The following ROBO1 variants were observed in gnomAD, a reference collection of about 807,000 sequenced individuals.
ROBO1 encodes roundabout homolog 1.
In ROBO1, 149 loss-of-function variants were observed where a neutral mutation model predicts 195.9. That is an observed-to-expected ratio of 0.76 (90% CI 0.67 to 0.87). The LOEUF (loss-of-function observed/expected upper bound fraction) is 0.87, where lower values mean the gene tolerates loss of function less well. Among genes scored for constraint, ROBO1 ranks in the 40% least tolerant of loss-of-function variants. ROBO1 has a pLI of 0.00. For synonymous variants in ROBO1, 816 were observed against 733.2 expected (o/e 1.11, Z -1.82); for missense variants, 1,933 against 2,068.3 (o/e 0.93, Z 1.27).
intron 2 of ROBO1, among the ~76,000 whole-genome samples, chr3:79,388,365 ATC>A (rs139191515): frequency 1.3e-5 from 2 of 151,252 alleles, no homozygotes; most frequent in Admixed American, 6.6e-5. Context: ...CTGTTATAGT[ATC>A]TCTCTCTCTC....
chr3:78,989,792 C>G (rs1305006105), intron 3 of ROBO1, among the ~76,000 whole-genome samples: 1 of 151,874 alleles, frequency 6.6e-6, no homozygotes, highest in Admixed American at 6.6e-5. Context: ...CACTAATTTA[C>G]TTCAAAAAAA....
intron 1 of ROBO1, among the ~76,000 whole-genome samples, chr3:79,690,073 C>T (rs1234999684): frequency 6.6e-6 from 1 of 151,936 alleles, no homozygotes; most frequent in Non-Finnish European, 1.5e-5. Context: ...AGTTGTGATA[C>T]TGTCTTTCTT....
intron 4 of ROBO1, among the ~76,000 whole-genome samples, chr3:78,870,838 T>C (rs1172130990): frequency 6.6e-6 from 1 of 152,202 alleles, no homozygotes; most frequent in Non-Finnish European, 1.5e-5. Context: ...CCTGAATCTT[T>C]GGACCTGGCC....
At position 79,406,698 on chromosome 3, in the gene ROBO1, G is replaced by T. The variant is rs567694389; in HGVS notation, c.88+183126C>A. On this transcript the variant is annotated intron_variant, in intron 2 of 30. Coordinates refer to ENST00000464233, the MANE Select transcript of ROBO1 (RefSeq NM_002941.4). ...TATTCCTGGAAAGATGTTTAGGTTT[G>T]CAAGTTCAAGGGAAAGAATACACTT... 8.5e-5 allele frequency among the ~76,000 whole-genome samples: 13 copies of T among 152,106 alleles called. No homozygotes were observed. In the East Asian group the frequency reaches 2.5e-3, roughly 29 times the overall value.
intron 3 of ROBO1, among the ~76,000 whole-genome samples, chr3:78,995,395 G>A (rs2077338965): frequency 6.6e-6 from 1 of 152,042 alleles, no homozygotes; most frequent in Non-Finnish European, 1.5e-5. Context: ...GCAACACAGA[G>A]CCCTGCACTG....
intron 4 of ROBO1, among the ~76,000 whole-genome samples, chr3:78,771,657 G>A (rs1366065446): frequency 1.3e-5 from 2 of 152,024 alleles, no homozygotes; most frequent in East Asian, 3.9e-4. Flanking sequence ...TGTGTGTGTG[G>A]CTATTGTAAA....
chr3:79,101,520 A>G (rs1440798167), intron 3 of ROBO1, among the ~76,000 whole-genome samples: 1 of 151,804 alleles, frequency 6.6e-6, no homozygotes, highest in Admixed American at 6.6e-5. Context: ...AGAGTCTCTG[A>G]GTTCCTGTTT....
intron 4 of ROBO1, among the ~76,000 whole-genome samples, chr3:78,869,649 C>T (rs1490711234): frequency 1.3e-5 from 2 of 151,868 alleles, no homozygotes; most frequent in East Asian, 1.9e-4. Flanking sequence ...TTGGTAGAGG[C>T]CGTCTCACTA....
intron 2 of ROBO1, among the ~76,000 whole-genome samples, chr3:79,452,840 A>G (rs1468871120): frequency 6.6e-6 from 1 of 151,638 alleles, no homozygotes. Context: ...GTCTTGGGGG[A>G]GAGATTTTAG....
chr3:79,299,637 C>T (rs1559800691), intron 2 of ROBO1, among the ~76,000 whole-genome samples: 1 of 151,744 alleles, frequency 6.6e-6, no homozygotes, highest in African/African-American at 2.4e-5. Flanking sequence ...AAATATTCTG[C>T]CTGAGATAAA....
At chr3:78,906,166 C>G (rs1322983953) in intron 4 of ROBO1, among the ~76,000 whole-genome samples, 1 of 152,044 alleles carries the variant, frequency 6.6e-6, no homozygotes, top group South Asian at 2.1e-4. Flanking sequence ...TTATTATGAA[C>G]AGACCAGCTG....
chr3:78,731,575 T>C (rs576427431), intron 5 of ROBO1, among the ~76,000 whole-genome samples: 2 of 152,110 alleles, frequency 1.3e-5, no homozygotes, highest in Non-Finnish European at 2.9e-5. Context: ...ATCAGAATTG[T>C]TCACAATCTA....
intron 2 of ROBO1, among the ~76,000 whole-genome samples, chr3:79,535,795 G>A (rs906704424): frequency 6.6e-6 from 1 of 151,832 alleles, no homozygotes; most frequent in Non-Finnish European, 1.5e-5. Flanking sequence ...AGAAAGTTAC[G>A]AGACCAGAGA....
chr3:79,174,204 C>T (rs1315411764), intron 2 of ROBO1, among the ~76,000 whole-genome samples: 2 of 152,182 alleles, frequency 1.3e-5, no homozygotes, highest in East Asian at 3.9e-4. Flanking sequence ...TCTTTGGGTC[C>T]ACACTGCCTT....
At chr3:79,052,921 A>T (rs1028981805) in intron 3 of ROBO1, among the ~76,000 whole-genome samples, 8 of 152,068 alleles carry the variant, frequency 5.3e-5, no homozygotes, top group African/African-American at 7.2e-5. Context: ...GAGTCTAAAC[A>T]TCATGCTTAT....
chr3:79,587,986 G>A (rs915211341), intron 2 of ROBO1, among the ~76,000 whole-genome samples: 41 of 151,594 alleles, frequency 2.7e-4, no homozygotes, highest in Non-Finnish European at 4.9e-4. Context: ...GAAAAAAAAG[G>A]CATCTAACTG....
chr3:79,412,481 G>A (rs1449964275), intron 2 of ROBO1, among the ~76,000 whole-genome samples: 1 of 152,098 alleles, frequency 6.6e-6, no homozygotes, highest in African/African-American at 2.4e-5. Context: ...TTTTGGCACT[G>A]CAAACACACC....
chr3:78,636,935 T>TTTTA (rs1553688373), intron 22 of ROBO1, among the ~76,000 whole-genome samples: 1 of 96,704 alleles, frequency 1.0e-5, no homozygotes, highest in African/African-American at 3.6e-5. Context: ...TACATTCATT[T>TTTTA]TATATATATA....
At chr3:79,723,479 A>G (rs1297728671) in intron 1 of ROBO1, among the ~76,000 whole-genome samples, 1 of 152,174 alleles carries the variant, frequency 6.6e-6, no homozygotes, top group African/African-American at 2.4e-5. Flanking sequence ...AATACTCCCA[A>G]AATCCTCAAG....
Sources: allele counts gnomAD v4.1 joint callset (sites outside exome capture counted in the v4.1 genomes callset), GRCh38; gene constraint gnomAD v4.1.1; transcripts MANE v1.5; gene names NCBI Gene and HGNC (gene_info 2026-07-23, HGNC 2026-07-21).